The following IGSF21 variants were observed in gnomAD, a reference collection of about 807,000 sequenced individuals.
The protein encoded by IGSF21 is immunoglobin superfamily member 21, also known as immunoglobulin superfamily member 21.
IGSF21 carries 28 observed loss-of-function variants against 46.8 expected under a neutral mutation model. The observed-to-expected ratio is 0.60, with a 90% CI of 0.44 to 0.82. IGSF21 has a LOEUF of 0.82. Ranked by LOEUF, IGSF21 falls within the 40% of genes least tolerant of loss-of-function variation. IGSF21 has a pLI of 0.00. For missense variants in IGSF21, 624 were observed against 665.5 expected, an observed-to-expected ratio of 0.94 and a Z score of 0.69; for synonymous variants, 284 against 273.6, an observed-to-expected ratio of 1.04 and a Z score of -0.38.
chr1:18,345,387 TTTTA>T (rs890364889), intron 4 of IGSF21, among the ~76,000 whole-genome samples: 1 of 152,170 alleles, frequency 6.6e-6, no homozygotes, highest in African/African-American at 2.4e-5. Context: ...TTGCTTGTTT[TTTTA>T]TTTATTTATT....
rs144267384 is a variant in IGSF21, at chr1:18,160,650, G to A, written c.70+52452G>A. 4.7e-3 allele frequency among the ~76,000 whole-genome samples: 709 copies of A among 152,140 alleles called. 4 individuals carry two copies. The highest frequency in any genetic ancestry group is 3.1e-3 in the South Asian group (15 of 4,806). Reference sequence around the variant, plus strand: ...CCGGGCACTCAGAGCGTGCTCATTCGGTGTGACGATGGCTGCTCCTGTCAT... The same window carrying A: ...CCGGGCACTCAGAGCGTGCTCATTCAGTGTGACGATGGCTGCTCCTGTCAT... On this transcript the variant is annotated intron_variant, in intron 1 of 9. Transcript: ENST00000251296.
intron 1 of IGSF21, among the ~76,000 whole-genome samples, chr1:18,173,861 C>T (rs2086768103): frequency 6.6e-6 from 1 of 152,206 alleles, no homozygotes; most frequent in African/African-American, 2.4e-5. Flanking sequence ...TCAAGCGATT[C>T]TCCTGCCTCA....
chr1:18,208,396 T>TATATATATATATATATA (rs397732378), intron 1 of IGSF21, among the ~76,000 whole-genome samples: 50 of 102,248 alleles, frequency 4.9e-4, no homozygotes, highest in Middle Eastern at 5.7e-3. Flanking sequence ...TATATATATA[T>TATATATATATATATATA]TTTTTGAGAC....
intron 1 of IGSF21, among the ~76,000 whole-genome samples, chr1:18,220,309 G>C (rs1570351135): frequency 6.6e-6 from 1 of 152,054 alleles, no homozygotes; most frequent in South Asian, 2.1e-4. Context: ...GGTTTCATGG[G>C]AGGCTGTTGG....
chr1:18,288,450 C>T (rs1322512267), intron 2 of IGSF21, among the ~76,000 whole-genome samples: 4 of 152,316 alleles, frequency 2.6e-5, no homozygotes, highest in Admixed American at 2.6e-4. Context: ...TGAATAAGGT[C>T]GTAATGGGCT....
At chr1:18,127,931 C>A (rs1488552710) in intron 1 of IGSF21, among the ~76,000 whole-genome samples, 3 of 151,988 alleles carry the variant, frequency 2.0e-5, no homozygotes, top group African/African-American at 7.3e-5. Context: ...GGGGGTGAAG[C>A]TGAACATCTT....
intron 1 of IGSF21, among the ~76,000 whole-genome samples, chr1:18,118,577 CA>C (rs1451447535): frequency 2.6e-5 from 4 of 152,346 alleles, no homozygotes; most frequent in South Asian, 4.1e-4. Flanking sequence ...ATGTCCCAGG[CA>C]GGGGCGGAAG....
intron 2 of IGSF21, among the ~76,000 whole-genome samples, chr1:18,267,697 G>A (rs751600982): frequency 7.9e-5 from 12 of 152,218 alleles, no homozygotes; most frequent in Non-Finnish European, 1.8e-4. Context: ...CTAGGTGGAG[G>A]CTGCTTTCCT....
chr1:18,267,254 T>C (rs537760756), intron 2 of IGSF21, among the ~76,000 whole-genome samples: 9 of 152,312 alleles, frequency 5.9e-5, no homozygotes, highest in African/African-American at 1.7e-4. Flanking sequence ...AAGAACTTAT[T>C]CAGGAGAGTC....
intron 1 of IGSF21, among the ~76,000 whole-genome samples, chr1:18,160,450 G>A (rs938298479): frequency 4.6e-5 from 7 of 152,318 alleles, no homozygotes; most frequent in East Asian, 1.9e-4. Flanking sequence ...AATGGCAGGC[G>A]GTGAGCTCTC....
chr1:18,365,389 A>G lies in IGSF21; in HGVS notation c.707A>G (p.Asn236Ser). The stretch of plus-strand genomic sequence containing the variant: ...TCACTGTCCCTCCTGGACGCCGAGA[A>G]CCGGGGTGGGCGACCCTACACGGAG... Reference protein sequence around the residue: ...QKSLSLLDAENRGGRPYTERP... With the variant: ...QKSLSLLDAESRGGRPYTERP... Residue 236 changes from asparagine (N) to serine (S), a missense_variant, in exon 6 of 10, where the codon AAC becomes AGC. Coordinates refer to ENST00000251296, the MANE Select transcript of IGSF21 (RefSeq NM_032880.5). This position sits in a 1 kb window ranked among gnomAD's most constrained non-coding sequence, Gnocchi z 4.8. The G allele has an allele frequency of 6.2e-7, 1 of 1,613,766 alleles. No individual in the cohort carries two copies. The highest frequency in any genetic ancestry group is 8.5e-7 in the Non-Finnish European group (1 of 1,179,934).
At chr1:18,338,090 G>T (rs532057778) in intron 4 of IGSF21, among the ~76,000 whole-genome samples, 1 of 152,246 alleles carries the variant, frequency 6.6e-6, no homozygotes, top group African/African-American at 2.4e-5. Flanking sequence ...CACAGACCTG[G>T]CTCAGAGGGG....
chr1:18,208,533 C>T (rs1249868802), intron 1 of IGSF21, among the ~76,000 whole-genome samples: 3 of 143,890 alleles, frequency 2.1e-5, no homozygotes, highest in Admixed American at 7.0e-5. Flanking sequence ...AGGAGCCCAC[C>T]ATCAAGCCCA....
intron 1 of IGSF21, among the ~76,000 whole-genome samples, chr1:18,141,040 G>T (rs1557554002): frequency 6.6e-6 from 1 of 152,292 alleles, no homozygotes; most frequent in East Asian, 1.9e-4. Context: ...CACGACCAGA[G>T]TGAAGCACCC....
At chr1:18,179,087 A>G (rs2086831695) in intron 1 of IGSF21, 1 of 152,338 alleles carries the variant, frequency 6.6e-6, no homozygotes, top group Admixed American at 6.5e-5. Context: ...TGGAGATGCC[A>G]CTGTGCAGGG....
chr1:18,274,801 G>A (rs372348324), intron 2 of IGSF21, among the ~76,000 whole-genome samples: 31 of 152,290 alleles, frequency 2.0e-4, no homozygotes, highest in East Asian at 1.2e-3. Flanking sequence ...CAAGGTGGGC[G>A]GATCACTTGA....
chr1:18,279,388 CTT>C (rs2085136350), intron 2 of IGSF21, among the ~76,000 whole-genome samples: 1 of 152,330 alleles, frequency 6.6e-6, no homozygotes, highest in Admixed American at 6.5e-5. Flanking sequence ...CACAGTAACT[CTT>C]TGTGGAATGA....
intron 1 of IGSF21, among the ~76,000 whole-genome samples, chr1:18,162,286 A>G (rs1416001205): frequency 6.6e-6 from 1 of 152,182 alleles, no homozygotes; most frequent in East Asian, 1.9e-4. Flanking sequence ...GAGCTCCAGC[A>G]ATCTGCCTGC....
At chr1:18,119,188 G>A (rs977329595) in intron 1 of IGSF21, among the ~76,000 whole-genome samples, 1 of 152,010 alleles carries the variant, frequency 6.6e-6, no homozygotes, top group Non-Finnish European at 1.5e-5. Flanking sequence ...CATTTATGCA[G>A]CAGATATTTA....
Sources: gnomAD v4.1 joint callset for allele counts (sites outside exome capture counted in the v4.1 genomes callset) on GRCh38, gnomAD v4.1.1 for gene constraint, Gnocchi (gnomAD v3.1) non-coding constraint, MANE v1.5 for transcripts, NCBI Gene and HGNC (gene_info 2026-07-23, HGNC 2026-07-21) for gene names.